SAMTOR: variants seen among roughly 807,000 people sequenced by gnomAD.
SAMTOR encodes UPF0532 protein C7orf60.
At chr7:112,914,276 G>GTTTTT in the SAMTOR span, among the ~76,000 whole-genome samples, 2,871 of 130,890 alleles carry the variant, frequency 0.022, 66 homozygotes, top group Non-Finnish European at 0.026. Context: ...TTAGCCTCTA[G>GTTTTT]TTTTTTTTTT....
chr7:112,882,766 TAA>T, the SAMTOR span, among the ~76,000 whole-genome samples: 10,214 of 120,730 alleles, frequency 0.085, 432 homozygotes, highest in Admixed American at 0.14. Flanking sequence ...CATCTTTTTT[TAA>T]AAAAAAAAAA....
At chr7:112,842,072 T>C in the SAMTOR span, among the ~76,000 whole-genome samples, 1 of 152,002 alleles carries the variant, frequency 6.6e-6, no homozygotes, top group Non-Finnish European at 1.5e-5. Context: ...CTTGTTTTCA[T>C]ACATGCTTAG....
chr7:112,921,668 A>G, the SAMTOR span, among the ~76,000 whole-genome samples: 4 of 145,698 alleles, frequency 2.7e-5, no homozygotes, highest in African/African-American at 7.9e-5. Context: ...GCAACCTACA[A>G]AATGGAAGAA....
chr7:112,894,276 GAATAAGTTCACTGTCTTATATGGTTGAT>G, the SAMTOR span, among the ~76,000 whole-genome samples: 7 of 152,204 alleles, frequency 4.6e-5, no homozygotes, highest in South Asian at 2.1e-4. Flanking sequence ...GACATTTATT[GAATAAGTTCACTGTCTTATATGGTTGAT>G]AATAAGTTCA....
the SAMTOR span, among the ~76,000 whole-genome samples, chr7:112,913,689 C>T: frequency 6.6e-6 from 1 of 152,168 alleles, no homozygotes; most frequent in Non-Finnish European, 1.5e-5. Context: ...CTACCTCTCT[C>T]CCTCTGTCAT....
the SAMTOR span, among the ~76,000 whole-genome samples, chr7:112,849,812 T>C: frequency 6.6e-6 from 1 of 152,236 alleles, no homozygotes; most frequent in Non-Finnish European, 1.5e-5. Flanking sequence ...GAAAGAATGC[T>C]GGATTTTATA....
the SAMTOR span, among the ~76,000 whole-genome samples, chr7:112,904,274 T>G: frequency 6.6e-6 from 1 of 152,168 alleles, no homozygotes; most frequent in South Asian, 2.1e-4. Context: ...TCACAAAAAT[T>G]ACCATATATG....
chr7:112,832,695 A>T, the SAMTOR span: 1 of 1,414,678 alleles, frequency 7.1e-7, no homozygotes, highest in African/African-American at 1.4e-5. Flanking sequence ...GATATTTTAT[A>T]AGAACAAAAT....
chr7:112,866,920 T>C, the SAMTOR span, among the ~76,000 whole-genome samples: 1 of 152,260 alleles, frequency 6.6e-6, no homozygotes, highest in African/African-American at 2.4e-5. Flanking sequence ...ACTGCTATAC[T>C]TTCTCAAAAG....
chr7:112,831,477 T>C, the SAMTOR span, among the ~76,000 whole-genome samples: 1 of 152,020 alleles, frequency 6.6e-6, no homozygotes, highest in East Asian at 1.9e-4. Context: ...ACCAACATGG[T>C]GAAACCCTGT....
chr7:112,894,218 G>A, the SAMTOR span, among the ~76,000 whole-genome samples: 2 of 151,722 alleles, frequency 1.3e-5, no homozygotes, highest in Admixed American at 6.6e-5. Flanking sequence ...GAGGAGAGGG[G>A]AGAGAGACTG....
chr7:112,901,347 T>C, the SAMTOR span, among the ~76,000 whole-genome samples: 582 of 152,306 alleles, frequency 3.8e-3, 2 homozygotes, highest in African/African-American at 0.013. Context: ...TTGTGAAATG[T>C]GCATGTGAGG....
chr7:112,852,528 G>T, the SAMTOR span, among the ~76,000 whole-genome samples: 1 of 152,000 alleles, frequency 6.6e-6, no homozygotes, highest in African/African-American at 2.4e-5. Flanking sequence ...TACACTAAAA[G>T]CCCAGACATC....
At chr7:112,882,945 A>C in the SAMTOR span, among the ~76,000 whole-genome samples, 11 of 152,204 alleles carry the variant, frequency 7.2e-5, no homozygotes, top group Non-Finnish European at 1.5e-4. Flanking sequence ...GAGAGCATTA[A>C]AGAGGATATT....
At chr7:112,899,187 A>G in the SAMTOR span, among the ~76,000 whole-genome samples, 1 of 152,164 alleles carries the variant, frequency 6.6e-6, no homozygotes, top group Non-Finnish European at 1.5e-5. Context: ...ATGAACTTCA[A>G]AAAAACAGAG....
At chr7:112,834,142 C>T in the SAMTOR span, among the ~76,000 whole-genome samples, 1 of 152,184 alleles carries the variant, frequency 6.6e-6, no homozygotes, top group African/African-American at 2.4e-5. Context: ...CAGTAGTACA[C>T]TTAAGACTTT....
At chr7:112,904,470 A>C in the SAMTOR span, among the ~76,000 whole-genome samples, 1 of 152,182 alleles carries the variant, frequency 6.6e-6, no homozygotes, top group East Asian at 1.9e-4. Context: ...AAAATCACAG[A>C]ATATCTAAAA....
chr7:112,863,889 C>T, the SAMTOR span, among the ~76,000 whole-genome samples: 13 of 152,134 alleles, frequency 8.5e-5, no homozygotes, highest in Non-Finnish European at 1.3e-4. Context: ...ACTTTCCATC[C>T]CATTACTGGG....
At chr7:112,908,220 C>T in the SAMTOR span, among the ~76,000 whole-genome samples, 17 of 152,272 alleles carry the variant, frequency 1.1e-4, no homozygotes, top group South Asian at 6.2e-4. Context: ...AAGCAGACTG[C>T]CTTTCCTTAA....
Sources: allele counts gnomAD v4.1 joint callset (sites outside exome capture counted in the v4.1 genomes callset), GRCh38; gene constraint gnomAD v4.1.1; transcripts MANE v1.5; gene names NCBI Gene and HGNC (gene_info 2026-07-23, HGNC 2026-07-21).